Variants in SGCZ observed in about 807,000 individuals in gnomAD.
SGCZ encodes zeta-sarcoglycan.
Under a neutral mutation model 41.3 loss-of-function variants are expected in SGCZ, and 40 were observed. The ratio of observed to expected loss-of-function variants is 0.97; its 90% CI spans 0.75 to 1.26. SGCZ has a LOEUF of 1.26. SGCZ is among the 50% of genes most tolerant of loss of function. The pLI is 0.00. For missense variants in SGCZ, 552 were observed against 369.8 expected (o/e 1.49, Z -4.04); for synonymous variants, 206 against 137.5 (o/e 1.50, Z -3.49).
chr8:14,271,447 C>G (rs1487598838), intron 3 of SGCZ, among the ~76,000 whole-genome samples: 1 of 152,122 alleles, frequency 6.6e-6, no homozygotes, highest in African/African-American at 2.4e-5. Context: ...CCAGCAATAT[C>G]AAGAACAAAT....
intron 4 of SGCZ, among the ~76,000 whole-genome samples, chr8:14,230,677 A>G (rs73219289): frequency 6.6e-6 from 1 of 151,634 alleles, no homozygotes; most frequent in African/African-American, 2.4e-5. Context: ...CAATATTATT[A>G]GTGAAAATCT....
At chr8:15,126,205 C>G (rs370613652) in intron 1 of SGCZ, among the ~76,000 whole-genome samples, 33 of 152,210 alleles carry the variant, frequency 2.2e-4, no homozygotes, top group Middle Eastern at 3.4e-3. Context: ...GAATTAAAAT[C>G]ATGCTAGTAG....
intron 1 of SGCZ, among the ~76,000 whole-genome samples, chr8:14,629,534 G>A (rs907665747): frequency 5.9e-5 from 9 of 151,368 alleles, no homozygotes; most frequent in South Asian, 2.1e-4. Flanking sequence ...ATAAGATATC[G>A]GGAAGTAAAT....
At chr8:14,394,772 C>CA (rs1234326995) in intron 2 of SGCZ, among the ~76,000 whole-genome samples, 1 of 151,946 alleles carries the variant, frequency 6.6e-6, no homozygotes, top group Non-Finnish European at 1.5e-5. Context: ...TACTAATTGA[C>CA]AAAAAATCAT....
chr8:14,967,717 T>C (rs554731045), intron 1 of SGCZ, among the ~76,000 whole-genome samples: 2 of 152,244 alleles, frequency 1.3e-5, no homozygotes, highest in Admixed American at 6.5e-5. Flanking sequence ...ATAAGCCCCA[T>C]AGAGAAAGGA....
intron 1 of SGCZ, among the ~76,000 whole-genome samples, chr8:14,755,888 TAAA>T (rs750995303): frequency 2.0e-4 from 30 of 151,868 alleles, no homozygotes; most frequent in Non-Finnish European, 2.9e-4. Flanking sequence ...AAATAAAAAA[TAAA>T]AAACTATACA....
intron 2 of SGCZ, among the ~76,000 whole-genome samples, chr8:14,389,265 C>G (rs1320490928): frequency 6.6e-6 from 1 of 151,260 alleles, no homozygotes. Flanking sequence ...TGAAAAGTTT[C>G]CAGTAAGAGT....
chr8:14,829,912 C>A (rs1034283158), intron 1 of SGCZ, among the ~76,000 whole-genome samples: 40 of 151,978 alleles, frequency 2.6e-4, no homozygotes, highest in Middle Eastern at 3.2e-3. Context: ...CCCGGGTTCA[C>A]GCCATTCTCC....
At chr8:14,937,307 T>C (rs553444898) in intron 1 of SGCZ, among the ~76,000 whole-genome samples, 2 of 152,158 alleles carry the variant, frequency 1.3e-5, no homozygotes, top group East Asian at 3.9e-4. Flanking sequence ...ATAAAAAAGA[T>C]AACTCACCAA....
intron 2 of SGCZ, among the ~76,000 whole-genome samples, chr8:14,337,702 G>C (rs372220950): frequency 9.8e-5 from 15 of 152,308 alleles, no homozygotes; most frequent in South Asian, 4.1e-4. Flanking sequence ...GAAAAGCACA[G>C]AGGACATGCC....
intron 1 of SGCZ, among the ~76,000 whole-genome samples, chr8:14,924,425 A>G (rs1274839778): frequency 6.6e-6 from 1 of 152,206 alleles, no homozygotes; most frequent in Non-Finnish European, 1.5e-5. Context: ...AATGTCAACT[A>G]TAAGGATATT....
chr8:14,234,964 A>C (rs1021710899), intron 4 of SGCZ, among the ~76,000 whole-genome samples: 1 of 152,204 alleles, frequency 6.6e-6, no homozygotes, highest in Non-Finnish European at 1.5e-5. Flanking sequence ...GATTTCTCCC[A>C]TAATATCACT....
At chr8:14,572,496 CAG>C (rs1471164843) in intron 1 of SGCZ, among the ~76,000 whole-genome samples, 2 of 142,046 alleles carry the variant, frequency 1.4e-5, no homozygotes, top group African/African-American at 4.9e-5. Context: ...TCACCGAACC[CAG>C]AGAGGGAAGT....
chr8:14,310,576 C>A (rs770336381), intron 3 of SGCZ, among the ~76,000 whole-genome samples: 21 of 151,934 alleles, frequency 1.4e-4, no homozygotes, highest in Non-Finnish European at 2.9e-5. Context: ...CCTTGTATTA[C>A]TTAGGTTATT....
intron 4 of SGCZ, among the ~76,000 whole-genome samples, chr8:14,211,035 G>C (rs1805787907): frequency 6.6e-6 from 1 of 152,130 alleles, no homozygotes; most frequent in South Asian, 2.1e-4. Flanking sequence ...GGAGATTCTT[G>C]TTTCCCAAAG....
intron 2 of SGCZ, among the ~76,000 whole-genome samples, chr8:14,433,885 T>C (rs1800014278): frequency 6.6e-6 from 1 of 152,212 alleles, no homozygotes; most frequent in Non-Finnish European, 1.5e-5. Context: ...GATGTTAATG[T>C]CACCCATAGG....
At chr8:14,360,188 T>G (rs760080787) in intron 2 of SGCZ, among the ~76,000 whole-genome samples, 1 of 152,086 alleles carries the variant, frequency 6.6e-6, no homozygotes, top group African/African-American at 2.4e-5. Flanking sequence ...AGCCCTGCCC[T>G]TAAAATCTGG....
At chr8:14,559,159 G>T (rs1804130255) in intron 1 of SGCZ, among the ~76,000 whole-genome samples, 2 of 151,982 alleles carry the variant, frequency 1.3e-5, no homozygotes, top group African/African-American at 4.8e-5. Flanking sequence ...GAAATAAAGG[G>T]CATCCAAATT....
At chr8:14,627,018 A>G (rs2117386274) in intron 1 of SGCZ, among the ~76,000 whole-genome samples, 1 of 152,314 alleles carries the variant, frequency 6.6e-6, no homozygotes, top group South Asian at 2.1e-4. Flanking sequence ...CTTCCAAATA[A>G]TAGGTCTCAT....
Sources: gnomAD v4.1 joint callset for allele counts (sites outside exome capture counted in the v4.1 genomes callset) on GRCh38, gnomAD v4.1.1 for gene constraint, MANE v1.5 for transcripts, NCBI Gene and HGNC (gene_info 2026-07-23, HGNC 2026-07-21) for gene names.